RBBP8: variants seen among roughly 807,000 people sequenced by gnomAD.
RBBP8 encodes the protein DNA endonuclease RBBP8.
RBBP8 carries 88 observed loss-of-function variants against 108.3 expected under a neutral mutation model. That is an observed-to-expected ratio of 0.81 (90% CI 0.68 to 0.97). The LOEUF (loss-of-function observed/expected upper bound fraction) is 0.97. RBBP8 is among the 50% of genes least tolerant of loss of function. The pLI, the probability that RBBP8 is intolerant of heterozygous loss-of-function variation, is 0.00. For missense variants in RBBP8, 1,023 were observed against 1,049.0 expected (o/e 0.98, Z 0.34); for synonymous variants, 332 against 348.2 (o/e 0.95, Z 0.52).
chr18:22,959,646 T>C (rs975961537), intron 4 of RBBP8, among the ~76,000 whole-genome samples: 2 of 152,242 alleles, frequency 1.3e-5, no homozygotes, highest in African/African-American at 2.4e-5. Flanking sequence ...AACCCTACTA[T>C]TGAAGTTATT....
rs138823264 is a variant in RBBP8, at chr18:22,914,457, T to TTA, written c.-306+153_-306+154dup. ...TAGATATTGTTTTATAACACTTGCG[T>TTA]TATGTTCATTGATTGTTTGCATAAA... On this transcript the variant is annotated intron_variant, in intron 1 of 4. Coordinates refer to the RBBP8 transcript ENST00000577588. Among the ~76,000 whole-genome samples, 407 of 152,324 alleles carry TTA rather than the reference T, an allele frequency of 2.7e-3. 1 individual carries two copies. Among genetic ancestry groups the TTA allele is most frequent in the African/African-American group, 9.3e-3 (387 of 41,572 alleles).
rs1298819276 is a variant in RBBP8, at chr18:22,936,968, C to A, written c.109+8C>A. ...ATGATAGAGAAGTACAAGGTAAAAT[C>A]TTTTCTTAAATACTTACAGCAGTAT... On this transcript the variant is annotated splice_region_variant and intron_variant, in intron 2 of 18. Coordinates refer to ENST00000327155, the MANE Select transcript of RBBP8 (RefSeq NM_002894.3). 5 of 1,613,672 alleles carry A rather than the reference C, an allele frequency of 3.1e-6. No homozygotes were observed. The highest frequency in any genetic ancestry group is 4.5e-5 in the East Asian group (2 of 44,856).
Position 22,996,379 on chromosome 18 carries a change from T to C in RBBP8, c.1945T>C (p.Ser649Pro), listed in dbSNP as rs746953281. 49 of 1,613,456 alleles carry C rather than the reference T, an allele frequency of 3.0e-5. No individual in the cohort carries two copies. The highest frequency in any genetic ancestry group is 2.9e-5 in the Non-Finnish European group (34 of 1,179,858). ...GCTCTTTCCCTTTACCTAAGATGTA[T>C]CCTTTGAAAATATCCAGTGGAGTAT... ...IKSLQNNQDV[S>P]FENIQWSIDP... The change falls in exon 13 of 19, where the codon TCC becomes CCC. Residue 649 changes from serine (S) to proline (P), a missense_variant. By Grantham distance (74) the Ser-to-Pro change is moderately conservative. Transcript: ENST00000327155.
chr18:22,980,014 G>A (rs1914783811), intron 6 of RBBP8, among the ~76,000 whole-genome samples: 1 of 143,270 alleles, frequency 7.0e-6, no homozygotes, highest in Non-Finnish European at 1.5e-5. Context: ...GGGAGGCCGA[G>A]ACGGGTGGAT....
chr18:22,923,864 C>A (rs748197482), intron 3 of RBBP8, among the ~76,000 whole-genome samples: 22 of 152,144 alleles, frequency 1.4e-4, no homozygotes, highest in Non-Finnish European at 2.9e-4. Context: ...TGTTCTAATT[C>A]TATTAGAAGT....
At chr18:22,940,254 A>G (rs768095905) in intron 2 of RBBP8, among the ~76,000 whole-genome samples, 2 of 151,690 alleles carry the variant, frequency 1.3e-5, no homozygotes, top group African/African-American at 2.4e-5. Flanking sequence ...TAGTATTGAC[A>G]TCTTAACAAT....
chr18:22,993,662 T>C (rs1183056315), intron 11 of RBBP8, 23 bp downstream of exon 11: 6 of 1,614,240 alleles, frequency 3.7e-6, no homozygotes, highest in Non-Finnish European at 5.1e-6. Flanking sequence ...TGTTCAAGGA[T>C]TTTGATTAAA....
intron 6 of RBBP8, 90 bp from the exon 7 acceptor site, chr18:22,982,128 A>G (rs1914970763): frequency 2.1e-6 from 3 of 1,407,878 alleles, no homozygotes; most frequent in Non-Finnish European, 2.9e-6. Context: ...TTAGAGCTTC[A>G]TGTTTGTGTT....
chr18:22,918,719 C>G (rs902298278), intron 3 of RBBP8, among the ~76,000 whole-genome samples: 2 of 152,158 alleles, frequency 1.3e-5, no homozygotes, highest in African/African-American at 4.8e-5. Flanking sequence ...CTCTGTCACC[C>G]AGGTTTAGCC....
chr18:22,933,420 G>A lies in RBBP8; in HGVS notation c.-243G>A, dbSNP rs530533933. ...GGCCTTAAAGCGCGGGCTGTCCGGA[G>A]GGGTCGGCTTTCCCACCGAGGATTT... On this transcript the variant is annotated 5_prime_UTR_variant, in exon 1 of 19. Transcript: ENST00000327155. The A allele has an allele frequency of 4.5e-5, 7 of 154,166 alleles. No individual in the cohort carries two copies. The East Asian group carries it at 9.7e-4, about 21-fold the overall frequency. The allele number at this position is 154,166 out of a possible 1,614,324, so 9.5% of individuals were successfully genotyped here.
chr18:22,955,263 ATGTAGCTCGTTGTTT>A lies in RBBP8; in HGVS notation c.248+5556_248+5570del, dbSNP rs1372199991. Among the ~76,000 whole-genome samples, 18 of 152,252 alleles carry A rather than the reference ATGTAGCTCGTTGTTT, an allele frequency of 1.2e-4. 1 individual carries two copies. The highest frequency in any genetic ancestry group is 1.2e-3 in the Admixed American group (18 of 15,292). On this transcript the variant is annotated intron_variant, in intron 4 of 18. Transcript: ENST00000327155. Reference sequence around the variant, plus strand: ...AGGGAGTCGGGGTGGGATGAGGGATATGTAGCTCGTTGTTTTGTAGACTTGCTTTTGCTCACCTTT... The same window carrying A: ...AGGGAGTCGGGGTGGGATGAGGGATATGTAGACTTGCTTTTGCTCACCTTT...
In RBBP8 at chr18:23,016,506, G is replaced by A. The variant is rs117437114; in HGVS notation, c.2358-322G>A. Among the ~76,000 whole-genome samples, 195 of 152,168 alleles carry A rather than the reference G, an allele frequency of 1.3e-3. 1 individual carries two copies. The East Asian group carries it at 0.022, about 17-fold the overall frequency. On this transcript the variant is annotated intron_variant, in intron 16 of 18. Coordinates refer to ENST00000327155, the MANE Select transcript of RBBP8 (RefSeq NM_002894.3). Reference sequence around the variant, plus strand: ...TTGCAGTGAGCCAAGATCATGTCATGCACTCAAGCCTGGCCAACAGAGCAA... The same window carrying A: ...TTGCAGTGAGCCAAGATCATGTCATACACTCAAGCCTGGCCAACAGAGCAA...
chr18:22,926,695 T>C (rs541375287), intron 3 of RBBP8, among the ~76,000 whole-genome samples: 1 of 152,198 alleles, frequency 6.6e-6, no homozygotes, highest in Non-Finnish European at 1.5e-5. Flanking sequence ...GAAGAAGGTA[T>C]GAAGTCCAAT....
chr18:23,001,438 A>G, intron 14 of RBBP8, 148 bp from the exon 15 acceptor site: 1 of 865,224 alleles, frequency 1.2e-6, no homozygotes, highest in East Asian at 2.5e-5. Flanking sequence ...AGTACCCAAT[A>G]TATAATCCAT....
At chr18:22,980,259 A>C (rs1267339723) in intron 6 of RBBP8, among the ~76,000 whole-genome samples, 2 of 152,174 alleles carry the variant, frequency 1.3e-5, no homozygotes, top group Non-Finnish European at 2.9e-5. Flanking sequence ...AAAAAATCTA[A>C]ATAAATAAAA....
chr18:22,939,108 T>C (rs1221320330), intron 2 of RBBP8, among the ~76,000 whole-genome samples: 2 of 152,358 alleles, frequency 1.3e-5, no homozygotes, highest in Non-Finnish European at 2.9e-5. Flanking sequence ...TTACCTATTA[T>C]AAGTTTAATA....
chr18:22,986,791 A>G (rs1422093449), intron 8 of RBBP8, among the ~76,000 whole-genome samples: 1 of 147,218 alleles, frequency 6.8e-6, no homozygotes, highest in Non-Finnish European at 1.5e-5. Flanking sequence ...AAATCATTTT[A>G]TATTAACATG....
intron 4 of RBBP8, among the ~76,000 whole-genome samples, chr18:22,951,215 A>G (rs1391365831): frequency 6.6e-6 from 1 of 152,212 alleles, no homozygotes; most frequent in African/African-American, 2.4e-5. Context: ...CTAGGGGGCT[A>G]GGGATGATAC....
At chr18:22,997,177 C>T (rs2045874141) in intron 13 of RBBP8, among the ~76,000 whole-genome samples, 1 of 152,092 alleles carries the variant, frequency 6.6e-6, no homozygotes, top group Non-Finnish European at 1.5e-5. Flanking sequence ...TATTTAGCTT[C>T]TGTGTAGTTT....
Sources: allele counts gnomAD v4.1 joint callset (sites outside exome capture counted in the v4.1 genomes callset), GRCh38; gene constraint gnomAD v4.1.1; transcripts MANE v1.5; gene names NCBI Gene and HGNC (gene_info 2026-07-23, HGNC 2026-07-21).